MDM4: variants seen among roughly 807,000 people sequenced by gnomAD.
The protein encoded by MDM4 is MDM4 regulator of p53.
In MDM4, 2 loss-of-function variants were observed where a neutral mutation model predicts 60.2. That is an observed-to-expected ratio of 0.03 (90% CI 0.01 to 0.10). The LOEUF (loss-of-function observed/expected upper bound fraction) is 0.10. MDM4 is among the 10% of genes least tolerant of loss of function. MDM4 has a pLI of 1.00. For missense variants in MDM4, 447 were observed against 577.5 expected (o/e 0.77, Z 2.32); for synonymous variants, 202 against 198.1 (o/e 1.02, Z -0.17).
chr1:204,539,876 C>A (rs1205343933), intron 7 of MDM4, among the ~76,000 whole-genome samples: 4 of 152,000 alleles, frequency 2.6e-5, no homozygotes, highest in African/African-American at 9.7e-5. Context: ...GAAAATTTAA[C>A]ACCTGACCTC....
rs1260632225 is a variant in MDM4 at position 204,544,464 on chromosome 1, C to T, written c.673-71C>T. The T allele has an allele frequency of 2.0e-5, 30 of 1,482,258 alleles. 1 individual carries two copies. The South Asian group carries it at 3.7e-4, about 18-fold the overall frequency. The allele number at this position is 1,482,258 out of a possible 1,614,324, so 91.8% of individuals were successfully genotyped here. ...GTGTGACGACATTGAGTTTTGGGTT[C>T]ATTTGTGTTGTTTCAACATCTCTGA... On this transcript the variant is annotated intron_variant, in intron 8 of 10. Coordinates refer to ENST00000367182, the MANE Select transcript of MDM4 (RefSeq NM_002393.5).
intron 3 of MDM4, chr1:204,529,358 AG>A (rs2102343341): frequency 2.3e-6 from 2 of 855,296 alleles, no homozygotes; most frequent in East Asian, 2.4e-5. Context: ...CCATATTGGG[AG>A]GGGAGCCACC....
intron 5 of MDM4, among the ~76,000 whole-genome samples, chr1:204,536,429 A>G (rs542760481): frequency 1.3e-4 from 20 of 152,328 alleles, no homozygotes; most frequent in African/African-American, 1.9e-4. Flanking sequence ...GCTTTTTTCA[A>G]TAGAACCGCA....
At chr1:204,522,186 G>C (rs1659634168) in intron 1 of MDM4, among the ~76,000 whole-genome samples, 1 of 151,862 alleles carries the variant, frequency 6.6e-6, no homozygotes, top group South Asian at 2.1e-4. Context: ...AAATTAGCTG[G>C]GCATGGTGGC....
intron 7 of MDM4, among the ~76,000 whole-genome samples, chr1:204,539,313 A>G (rs537367365): frequency 1.3e-5 from 2 of 152,002 alleles, no homozygotes; most frequent in Admixed American, 1.3e-4. Context: ...GAAGTTTGCA[A>G]AGATGACATA....
intron 8 of MDM4, 83 bp from the exon 9 acceptor site, chr1:204,544,452 G>C: frequency 7.4e-7 from 1 of 1,359,390 alleles, no homozygotes; most frequent in Non-Finnish European, 1.0e-6. Flanking sequence ...TGACGACATT[G>C]AGTTTTGGGT....
In MDM4 at chr1:204,538,318, G is replaced by C; in HGVS notation, c.511+10G>C. 7.0e-7 allele frequency: 1 copy of C among 1,437,388 alleles called. No individual in the cohort carries two copies. Among genetic ancestry groups the C allele is most frequent in the South Asian group, 1.1e-5 (1 of 87,148 alleles). The allele number at this position is 1,437,388 out of a possible 1,614,324, so 89.0% of individuals were successfully genotyped here. On this transcript the variant is annotated intron_variant, in intron 7 of 10. Coordinates refer to ENST00000367182, the MANE Select transcript of MDM4 (RefSeq NM_002393.5). Reference sequence around the variant, plus strand: ...ATACATTCTAGAGAAGGTATGTTTTGGATTAAGGCTATATAGACTTTTGTT... The same window carrying C: ...ATACATTCTAGAGAAGGTATGTTTTCGATTAAGGCTATATAGACTTTTGTT...
chr1:204,556,918 A>G lies in MDM4; in HGVS notation c.*7236A>G, dbSNP rs1663573636. 1.9e-5 allele frequency: 4 copies of G among 209,040 alleles called. No individual in the cohort carries two copies. Among genetic ancestry groups the G allele is most frequent in the East Asian group, 7.2e-5 (1 of 13,890 alleles). The allele number at this position is 209,040 out of a possible 1,614,324, so 12.9% of individuals were successfully genotyped here. A position where few individuals can be genotyped will look rare whatever the true frequency, so the allele number is the denominator to read the frequency against. On this transcript the variant is annotated 3_prime_UTR_variant, in exon 11 of 11. Transcript: ENST00000367182. Reference sequence around the variant, plus strand: ...AGCAACCTTGAATATGACTTTCTTTAGTCTCTAGCTATGCACTATTAAGTG... The same window carrying G: ...AGCAACCTTGAATATGACTTTCTTTGGTCTCTAGCTATGCACTATTAAGTG...
At chr1:204,517,413 G>GT (rs944488914) in intron 1 of MDM4, among the ~76,000 whole-genome samples, 28 of 151,318 alleles carry the variant, frequency 1.9e-4, no homozygotes, top group South Asian at 4.2e-4. Context: ...TTTTGTTTTT[G>GT]TTTTTTTTGA....
At position 204,557,403 on chromosome 1, in the gene MDM4, A is replaced by G. The variant is rs961106647; in HGVS notation, c.*7721A>G. On this transcript the variant is annotated 3_prime_UTR_variant, in exon 11 of 11. Transcript: ENST00000367182. ...CACCTTGCTGTGGTCTTGATGTACAAAAAAAAATTTTTTTTTTGAGACAGA... is the reference window on the plus strand; with the variant it reads ...CACCTTGCTGTGGTCTTGATGTACAGAAAAAAATTTTTTTTTTGAGACAGA... The G allele has an allele frequency of 1.7e-5, 3 of 178,958 alleles. No homozygotes were observed. The highest frequency in any genetic ancestry group is 7.2e-5 in the African/African-American group (3 of 41,452). 11.1% of individuals were successfully genotyped at this position (178,958 alleles called of 1,614,324 possible).
chr1:204,534,257 C>G (rs935741231), intron 5 of MDM4, among the ~76,000 whole-genome samples: 1 of 152,168 alleles, frequency 6.6e-6, no homozygotes, highest in Non-Finnish European at 1.5e-5. Context: ...GCAAATGATA[C>G]GGCAGCTTTA....
intron 1 of MDM4, among the ~76,000 whole-genome samples, 170 bp downstream of exon 1, chr1:204,516,679 A>C (rs1409689300): frequency 7.2e-5 from 11 of 151,752 alleles, no homozygotes; most frequent in Admixed American, 7.2e-4. Flanking sequence ...GGGGGAGGGG[A>C]AGAGTTGTGG....
intron 6 of MDM4, chr1:204,537,958 G>C (rs1285051809): frequency 1.4e-6 from 1 of 728,450 alleles, no homozygotes; most frequent in Non-Finnish European, 2.6e-6. Flanking sequence ...CAGATAGCCT[G>C]TTTTTAACAG....
chr1:204,539,859 A>G (rs924902436), intron 7 of MDM4, among the ~76,000 whole-genome samples: 2 of 152,100 alleles, frequency 1.3e-5, no homozygotes, highest in Non-Finnish European at 2.9e-5. Flanking sequence ...ACATGACACC[A>G]CAAGTAGAAA....
Position 204,550,115 on chromosome 1 carries a change from A to C in MDM4, c.*433A>C. Reference sequence around the variant, plus strand: ...CTTCAGACAGTCCTTCAGCTATTTCATGGCTCTCACCCTAGTTTTTTTTTT... The same window carrying C: ...CTTCAGACAGTCCTTCAGCTATTTCCTGGCTCTCACCCTAGTTTTTTTTTT... On this transcript the variant is annotated 3_prime_UTR_variant, in exon 11 of 11. Transcript: ENST00000367182. 4.4e-6 allele frequency: 1 copy of C among 229,226 alleles called. No homozygotes were observed. The allele number at this position is 229,226 out of a possible 1,614,324, so 14.2% of individuals were successfully genotyped here.
In MDM4 at chr1:204,556,797, G is replaced by GT. The variant is rs201613073; in HGVS notation, c.*7124dup. 1,675 of 210,684 alleles carry GT rather than the reference G, an allele frequency of 8.0e-3. 25 individuals are homozygous for GT. The highest frequency in any genetic ancestry group is 0.032 in the African/African-American group (1,409 of 43,890). 13.1% of individuals were successfully genotyped at this position (210,684 alleles called of 1,614,324 possible). ...ATGAGAATCGAAGTGTTTCTTTTGGGTTTTTTTTTCCCCCTTTTAAAATCA... is the reference window on the plus strand; with the variant it reads ...ATGAGAATCGAAGTGTTTCTTTTGGGTTTTTTTTTTCCCCCTTTTAAAATCA... On this transcript the variant is annotated 3_prime_UTR_variant, in exon 11 of 11. Transcript: ENST00000367182.
In MDM4 at chr1:204,549,372, CCTG is replaced by C. The variant is rs765329803; in HGVS notation, c.1165_1167del (p.Cys389del). On this transcript the variant is annotated inframe_deletion, in exon 11 of 11. Transcript: ENST00000367182. ...AAAGAAAACTCCAAACTTTTTGATCCCTGCAACTCAGTGGAATTCTTGGATTTG... is the reference window on the plus strand; with the variant it reads ...AAAGAAAACTCCAAACTTTTTGATCCCAACTCAGTGGAATTCTTGGATTTG... 6.2e-7 allele frequency: 1 copy of C among 1,614,040 alleles called. No individual in the cohort carries two copies. The highest frequency in any genetic ancestry group is 1.1e-5 in the South Asian group (1 of 91,056).
intron 3 of MDM4, chr1:204,528,855 C>T (rs1401832220): frequency 7.7e-6 from 12 of 1,560,232 alleles, no homozygotes; most frequent in South Asian, 3.4e-5. Flanking sequence ...TCATAGCATC[C>T]GAGCTGTCAT....
intron 1 of MDM4, among the ~76,000 whole-genome samples, chr1:204,521,803 TATAA>T (rs1233815765): frequency 2.6e-5 from 4 of 152,328 alleles, no homozygotes; most frequent in Middle Eastern, 3.4e-3. Flanking sequence ...ACTGGAAATG[TATAA>T]ATAGACAGTT....
Sources: allele counts gnomAD v4.1 joint callset (sites outside exome capture counted in the v4.1 genomes callset), GRCh38; gene constraint gnomAD v4.1.1; transcripts MANE v1.5; gene names NCBI Gene and HGNC (gene_info 2026-07-23, HGNC 2026-07-21).